Variants in ZNF398 observed in about 807,000 individuals in gnomAD.
ZNF398 encodes zinc finger protein 398, also known as zinc finger DNA binding protein ZER6.
ZNF398 carries 18 observed loss-of-function variants against 41.9 expected under a neutral mutation model. That is an observed-to-expected ratio of 0.43 (90% confidence interval 0.30 to 0.64). The LOEUF is 0.64. ZNF398 is among the 30% of genes least tolerant of loss of function. The pLI, the probability that ZNF398 is intolerant of heterozygous loss-of-function variation, is 0.14. For synonymous variants in ZNF398, 260 were observed against 308.8 expected (o/e 0.84, Z 1.66); for missense variants, 669 against 822.8 (o/e 0.81, Z 2.29).
chr7:149,145,844 A>G (rs1826926484), upstream of ZNF398, among the ~76,000 whole-genome samples: 1 of 151,258 alleles, frequency 6.6e-6, no homozygotes, highest in East Asian at 1.9e-4. Flanking sequence ...CTGCATATAG[A>G]CTTGCTATGT....
rs1272553871 is a variant in ZNF398 at position 149,147,556 on chromosome 7, C to T, written c.-187C>T. 5 of 523,306 alleles carry T rather than the reference C, an allele frequency of 9.6e-6. 1 individual carries two copies. Among genetic ancestry groups the T allele is most frequent in the South Asian group, 1.9e-4 (2 of 10,350 alleles). 32.4% of individuals were successfully genotyped at this position (523,306 alleles called of 1,614,324 possible). A position where few individuals can be genotyped will look rare whatever the true frequency, so the allele number is the denominator to read the frequency against. On this transcript the variant is annotated 5_prime_UTR_variant, in exon 1 of 6. Coordinates refer to ENST00000475153, the MANE Select transcript of ZNF398 (RefSeq NM_170686.3). This position sits in a 1 kb window ranked among gnomAD's most constrained non-coding sequence, Gnocchi z 5.6. ...TGATCCGCCGCCTGCTGCACCGCGC[C>T]TCCGCCGCGTTCCTGCGCGTCCCGA...
chr7:149,176,666 A>C, intron 5 of ZNF398, 85 bp downstream of exon 5: 1 of 822,490 alleles, frequency 1.2e-6, no homozygotes, highest in South Asian at 1.8e-5. Context: ...AAATTTGTAG[A>C]GGCAAATATG....
At chr7:149,137,616 G>A (rs1208700172) in intron 2 of ZNF398, among the ~76,000 whole-genome samples, 1 of 151,916 alleles carries the variant, frequency 6.6e-6, no homozygotes, top group Non-Finnish European at 1.5e-5. Flanking sequence ...TCCTGACCTC[G>A]TGATCCACCT....
chr7:149,163,303 C>G (rs1397775725), intron 2 of ZNF398, among the ~76,000 whole-genome samples: 5 of 151,882 alleles, frequency 3.3e-5, no homozygotes, highest in Admixed American at 2.0e-4. Context: ...CTCCCAGGTT[C>G]AAGCGATTCT....
At position 149,154,004 on chromosome 7, in the gene ZNF398, C is replaced by T. The variant is rs1358844431; in HGVS notation, c.84C>T (p.Pro28=). The change falls in exon 2 of 6, where the codon CCC becomes CCT. Residue 28 remains proline, a synonymous_variant. Transcript: ENST00000475153. The stretch of plus-strand genomic sequence containing the variant: ...TGCAGCCCCTTCCTCTTCCTACACC[C>T]CCAGCAGCAAATGAGGCACACCTGC... ...TSLQPLPLPT[P]PAANEAHLQT... 1.2e-6 allele frequency: 2 copies of T among 1,614,124 alleles called. No individual in the cohort carries two copies. Among genetic ancestry groups the T allele is most frequent in the Non-Finnish European group, 8.5e-7 (1 of 1,180,002 alleles).
rs1283276670 is a variant in ZNF398 at position 149,180,027 on chromosome 7, A to G, written c.*226A>G. 1 of 449,120 alleles carries G rather than the reference A, an allele frequency of 2.2e-6. No individual in the cohort carries two copies. Among genetic ancestry groups the G allele is most frequent in the African/African-American group, 2.0e-5 (1 of 50,638 alleles). The allele number at this position is 449,120 out of a possible 1,614,324, so 27.8% of individuals were successfully genotyped here. On this transcript the variant is annotated 3_prime_UTR_variant, in exon 6 of 6. Coordinates refer to ENST00000475153, the MANE Select transcript of ZNF398 (RefSeq NM_170686.3). ...AGAAAGACCTGGAAAGGAGCCCAGC[A>G]TGTCCATCTTTTCAAAGATACAACA...
rs527881963 is a variant in ZNF398, at chr7:149,140,605, A to C, written c.-490+11661A>C. On this transcript the variant is annotated intron_variant, in intron 2 of 6. Transcript: ENST00000426851. ...CATCATGTTGGCCAGGCTGGTCTCA[A>C]ACTCCTGACCTCGGGTGATCCACCC... 3.3e-5 allele frequency among the ~76,000 whole-genome samples: 5 copies of C among 152,208 alleles called. No individual in the cohort carries two copies. In the South Asian group the frequency reaches 1.0e-3, roughly 32 times the overall value.
At chr7:149,144,464 T>C (rs530527785), upstream of ZNF398, among the ~76,000 whole-genome samples, 1 of 152,140 alleles carries the variant, frequency 6.6e-6, no homozygotes, top group South Asian at 2.1e-4. Flanking sequence ...TGCATTACCA[T>C]TTCAGGCTAA....
At chr7:149,136,124 AATTTATTT>A (rs58711080) in intron 2 of ZNF398, among the ~76,000 whole-genome samples, 35 of 150,974 alleles carry the variant, frequency 2.3e-4, no homozygotes, top group African/African-American at 6.3e-4. Context: ...TTATGTTTTA[AATTTATTT>A]ATTTATTTAT....
At chr7:149,129,114 AAATATAT>A (rs1213071016) in intron 2 of ZNF398, among the ~76,000 whole-genome samples, 5 of 151,854 alleles carry the variant, frequency 3.3e-5, no homozygotes, top group African/African-American at 1.2e-4. Context: ...ATTTTCATAT[AAATATAT>A]AATATATACT....
At chr7:149,171,821 C>T (rs1434715075) in intron 4 of ZNF398, among the ~76,000 whole-genome samples, 1 of 152,140 alleles carries the variant, frequency 6.6e-6, no homozygotes, top group East Asian at 1.9e-4. Flanking sequence ...GCTCAAACCA[C>T]CACACCTGGC....
At chr7:149,139,055 A>C (rs1040253158) in intron 2 of ZNF398, among the ~76,000 whole-genome samples, 10 of 151,490 alleles carry the variant, frequency 6.6e-5, no homozygotes, top group Non-Finnish European at 1.5e-4. Context: ...GGACTACAGG[A>C]GCACGCCACC....
At chr7:149,132,240 G>A (rs899132887) in intron 2 of ZNF398, among the ~76,000 whole-genome samples, 5 of 145,448 alleles carry the variant, frequency 3.4e-5, no homozygotes, top group African/African-American at 1.3e-4. Context: ...TGTCCCCCAG[G>A]CTGTAGTGCA....
chr7:149,161,831 T>G (rs1033624036), intron 2 of ZNF398, among the ~76,000 whole-genome samples: 1 of 148,434 alleles, frequency 6.7e-6, no homozygotes. Flanking sequence ...AAAGGGGAAT[T>G]GTTAAAAGCC....
At chr7:149,172,209 C>T (rs1432313378) in intron 4 of ZNF398, among the ~76,000 whole-genome samples, 1 of 152,130 alleles carries the variant, frequency 6.6e-6, no homozygotes, top group African/African-American at 2.4e-5. Flanking sequence ...AGTTTGTTAC[C>T]TGCCGTCAAC....
At chr7:149,142,303 A>G (rs975509781) in intron 2 of ZNF398, among the ~76,000 whole-genome samples, 2 of 152,166 alleles carry the variant, frequency 1.3e-5, no homozygotes, top group African/African-American at 2.4e-5. Flanking sequence ...AAAATATTGA[A>G]AATGTCTTAT....
At chr7:149,177,184 A>G (rs1378879988) in intron 5 of ZNF398, among the ~76,000 whole-genome samples, 1 of 152,254 alleles carries the variant, frequency 6.6e-6, no homozygotes, top group East Asian at 1.9e-4. Context: ...GAAACATAAG[A>G]TAGTTTTAGC....
At chr7:149,145,407 A>C (rs1432327916), upstream of ZNF398, among the ~76,000 whole-genome samples, 2 of 152,174 alleles carry the variant, frequency 1.3e-5, no homozygotes, top group East Asian at 3.8e-4. Context: ...TAATAGTCAC[A>C]AGGCACTAGA....
At chr7:149,152,401 C>T (rs1827140884) in intron 1 of ZNF398, among the ~76,000 whole-genome samples, 1 of 151,126 alleles carries the variant, frequency 6.6e-6, no homozygotes, top group South Asian at 2.1e-4. Flanking sequence ...GCTGAGACTA[C>T]AGGCGCCCGC....
Sources: allele counts gnomAD v4.1 joint callset (sites outside exome capture counted in the v4.1 genomes callset), GRCh38; gene constraint gnomAD v4.1.1; non-coding constraint Gnocchi (gnomAD v3.1); transcripts MANE v1.5; gene names NCBI Gene and HGNC (gene_info 2026-07-23, HGNC 2026-07-21).